The following TNRC6B variants were observed in gnomAD, a reference collection of about 807,000 sequenced individuals.
TNRC6B encodes the protein trinucleotide repeat-containing gene 6B protein.
Under a neutral mutation model 203.6 loss-of-function variants are expected in TNRC6B, and 52 were observed. That is an observed-to-expected ratio of 0.26 (90% confidence interval 0.20 to 0.32). TNRC6B has a LOEUF of 0.32. Among genes scored for constraint, TNRC6B ranks in the 10% least tolerant of loss-of-function variants. TNRC6B has a pLI of 1.00. For synonymous variants in TNRC6B, 838 were observed against 845.7 expected, an observed-to-expected ratio of 0.99 and a Z score of 0.16; for missense variants, 1,923 against 2,286.2, an observed-to-expected ratio of 0.84 and a Z score of 3.24.
Position 40,329,573 on chromosome 22 carries a change from C to G in TNRC6B, c.*6332C>G, listed in dbSNP as rs2071442949. ...GACCCTCCCTAACCTGCTCACCATA[C>G]CTCCCCACCCCATGCCTCTGAAGAA... On this transcript the variant is annotated 3_prime_UTR_variant, in exon 23 of 23. Transcript: ENST00000454349. 6.6e-6 allele frequency: 1 copy of G among 152,074 alleles called. No homozygotes were observed. Among genetic ancestry groups the G allele is most frequent in the African/African-American group, 2.4e-5 (1 of 41,376 alleles). 9.4% of individuals were successfully genotyped at this position (152,074 alleles called of 1,614,324 possible).
rs778520882 is a variant in TNRC6B at position 40,178,140 on chromosome 22, G to A, written c.5G>A (p.Arg2Lys). 6.2e-7 allele frequency: 1 copy of A among 1,613,202 alleles called. No individual in the cohort carries two copies. Among genetic ancestry groups the A allele is most frequent in the Non-Finnish European group, 8.5e-7 (1 of 1,179,564 alleles). Residue 2 changes from arginine (R) to lysine (K), a missense_variant and splice_region_variant, in exon 1 of 23, where the codon AGA becomes AAA. Physicochemically the swap from Arg to Lys is conservative, Grantham distance 26 (BLOSUM62 2). Coordinates refer to ENST00000454349, the MANE Select transcript of TNRC6B (RefSeq NM_001162501.2). M[R>K]EKEQEREEQL... ...ATTTAAGCACTGCTGCACTTTATGA[G>A]GTTGGTAAATATTTTCAATTTTTTT...
chr22:40,100,727 T>G (rs111296309), intron 1 of TNRC6B, among the ~76,000 whole-genome samples: 1 of 152,178 alleles, frequency 6.6e-6, no homozygotes, highest in African/African-American at 2.4e-5. Context: ...ACCATGGATT[T>G]TGGTATACAC....
chr22:40,143,747 T>A (rs367857148), intron 3 of TNRC6B, among the ~76,000 whole-genome samples: 1 of 152,184 alleles, frequency 6.6e-6, no homozygotes, highest in Non-Finnish European at 1.5e-5. Flanking sequence ...CCGCCCGCCT[T>A]GGCCACCCAA....
At chr22:40,300,657 C>T (rs1305982034) in intron 13 of TNRC6B, 71 bp downstream of exon 13, 35 of 1,528,784 alleles carry the variant, frequency 2.3e-5, no homozygotes, top group Non-Finnish European at 2.9e-5. Context: ...CTTTGATTTG[C>T]TTCCCACATC....
intron 3 of TNRC6B, among the ~76,000 whole-genome samples, chr22:40,152,253 A>G (rs147005396): frequency 1.6e-3 from 240 of 152,342 alleles, no homozygotes; most frequent in African/African-American, 1.7e-3. Context: ...TGTAGCAGCT[A>G]TGGGAGCTAG....
chr22:40,211,646 T>C (rs1482900571), intron 1 of TNRC6B, among the ~76,000 whole-genome samples: 1 of 152,064 alleles, frequency 6.6e-6, no homozygotes, highest in Non-Finnish European at 1.5e-5. Flanking sequence ...TTCTCTATAT[T>C]TTGCGGACGT....
At chr22:40,101,614 T>C (rs1323771156) in intron 1 of TNRC6B, among the ~76,000 whole-genome samples, 3 of 152,178 alleles carry the variant, frequency 2.0e-5, no homozygotes, top group South Asian at 2.1e-4. Flanking sequence ...GTGGTGAGAA[T>C]AGAAGTGGAG....
chr22:40,051,255 T>C (rs1392703400), intron 1 of TNRC6B, among the ~76,000 whole-genome samples: 3 of 152,186 alleles, frequency 2.0e-5, no homozygotes, highest in Admixed American at 1.3e-4. Context: ...TGTTCTGAAT[T>C]GTACCTCTGC....
rs980029124 is a variant in TNRC6B, at chr22:40,159,673, A to AAAAT, written c.113+3494_113+3495insTAAA. On this transcript the variant is annotated intron_variant, in intron 4 of 23. Transcript: ENST00000301923. ...AAAAAAAAATTTAAAAATTTAAAAA[A>AAAAT]AAAGAAAGGTGAAACCCTTCCCTTC... is the stretch of plus-strand genomic sequence containing the variant. Among the ~76,000 whole-genome samples, 6 of 67,232 alleles carry AAAAT rather than the reference A, an allele frequency of 8.9e-5. 1 individual carries two copies. Among genetic ancestry groups the AAAAT allele is most frequent in the East Asian group, 2.7e-4 (1 of 3,666 alleles). 44.1% of individuals were successfully genotyped at this position (67,232 alleles called of 152,430 possible). A position where few individuals can be genotyped will look rare whatever the true frequency, so the allele number is the denominator to read the frequency against.
At chr22:40,277,376 C>G (rs1376459946) in intron 8 of TNRC6B, among the ~76,000 whole-genome samples, 1 of 152,088 alleles carries the variant, frequency 6.6e-6, no homozygotes, top group Non-Finnish European at 1.5e-5. Context: ...TCATTTTGTC[C>G]TTTTCCTTAG....
chr22:40,137,286 C>T (rs2068607950), intron 3 of TNRC6B, among the ~76,000 whole-genome samples: 2 of 152,198 alleles, frequency 1.3e-5, no homozygotes, highest in Admixed American at 6.5e-5. Context: ...AGCAAACATG[C>T]AGCGCAAGTG....
chr22:40,276,449 C>T (rs2070646159), intron 7 of TNRC6B, among the ~76,000 whole-genome samples: 1 of 152,202 alleles, frequency 6.6e-6, no homozygotes, highest in African/African-American at 2.4e-5. Flanking sequence ...CTGCTTCCCT[C>T]ACAGAAGTGA....
intron 1 of TNRC6B, among the ~76,000 whole-genome samples, chr22:40,073,306 G>C (rs1003280448): frequency 6.6e-6 from 1 of 152,120 alleles, no homozygotes; most frequent in Non-Finnish European, 1.5e-5. Context: ...TTAAGTGAAG[G>C]TCAAGAACTC....
rs1326568113 is a variant in TNRC6B, at chr22:40,322,840, C to T, written c.5115-14C>T. On this transcript the variant is annotated splice_polypyrimidine_tract_variant and intron_variant, in intron 22 of 22. Transcript: ENST00000454349. ...TCCTGAGATCCATAGCTCTCTTTCCCTCCCTTCTTCCAGGTGTGTGTTGGG... is the reference window on the plus strand; with the variant it reads ...TCCTGAGATCCATAGCTCTCTTTCCTTCCCTTCTTCCAGGTGTGTGTTGGG... 6.2e-7 allele frequency: 1 copy of T among 1,613,462 alleles called. No individual in the cohort carries two copies. Among genetic ancestry groups the T allele is most frequent in the East Asian group, 2.2e-5 (1 of 44,896 alleles).
intron 3 of TNRC6B, among the ~76,000 whole-genome samples, chr22:40,150,838 G>A (rs1457699085): frequency 6.6e-6 from 1 of 152,136 alleles, no homozygotes; most frequent in African/African-American, 2.4e-5. Flanking sequence ...AGATGAGGAT[G>A]TATAGCTGTA....
intron 1 of TNRC6B, among the ~76,000 whole-genome samples, chr22:40,057,762 C>A (rs956357126): frequency 1.3e-5 from 2 of 152,100 alleles, no homozygotes; most frequent in Non-Finnish European, 2.9e-5. Context: ...TGGAGGAAGG[C>A]AATCCAAAGT....
At chr22:40,060,274 G>A (rs1205496216) in intron 1 of TNRC6B, among the ~76,000 whole-genome samples, 2 of 148,754 alleles carry the variant, frequency 1.3e-5, no homozygotes, top group Admixed American at 6.8e-5. Flanking sequence ...AGGCTAAAGT[G>A]CAGTGGCACG....
chr22:40,044,899 C>G (rs1006368932), exon 1 of TNRC6B: 1 of 152,432 alleles, frequency 6.6e-6, no homozygotes, highest in Non-Finnish European at 1.5e-5. Flanking sequence ...GCCCCTCAGT[C>G]CCCCCTACGA....
In TNRC6B at chr22:40,323,628, C is replaced by A. The variant is rs2071367815; in HGVS notation, c.*387C>A. ...AAGTTGTTGCTAAGAAACATATATACTGAAAAAAAATAGCTTTTTAACTTT... is the reference window on the plus strand; with the variant it reads ...AAGTTGTTGCTAAGAAACATATATAATGAAAAAAAATAGCTTTTTAACTTT... On this transcript the variant is annotated 3_prime_UTR_variant, in exon 23 of 23. Transcript: ENST00000454349. The A allele has an allele frequency of 6.7e-6, 1 of 148,624 alleles. No homozygotes were observed. Among genetic ancestry groups the A allele is most frequent in the Non-Finnish European group, 1.4e-5 (1 of 70,092 alleles). 9.2% of individuals were successfully genotyped at this position (148,624 alleles called of 1,614,324 possible).
Sources: gnomAD v4.1 joint callset for allele counts (sites outside exome capture counted in the v4.1 genomes callset) on GRCh38, gnomAD v4.1.1 for gene constraint, MANE v1.5 for transcripts, NCBI Gene and HGNC (gene_info 2026-07-23, HGNC 2026-07-21) for gene names.